Variants in ZNF329 observed in about 807,000 individuals in gnomAD.
ZNF329 encodes zinc finger protein 329.
A neutral mutation model predicts 26.6 loss-of-function variants in ZNF329; 15 were observed. The observed-to-expected ratio is 0.56, with a 90% CI of 0.38 to 0.87. ZNF329 has a LOEUF of 0.87. Among genes scored for constraint, ZNF329 ranks in the 40% least tolerant of loss-of-function variants. The pLI, the probability that ZNF329 is intolerant of heterozygous loss-of-function variation, is 0.00. For synonymous variants in ZNF329, 239 were observed against 233.5 expected, an observed-to-expected ratio of 1.02 and a Z score of -0.21; for missense variants, 651 against 651.9, an observed-to-expected ratio of 1.00 and a Z score of 0.02.
At chr19:58,137,024 G>GT (rs2075085076) in intron 3 of ZNF329, 1 of 186,784 alleles carries the variant, frequency 5.4e-6, no homozygotes, top group Non-Finnish European at 1.2e-5. Flanking sequence ...AGATTCAGGA[G>GT]TAAGTCCCAC....
intron 3 of ZNF329, among the ~76,000 whole-genome samples, chr19:58,133,477 C>T (rs921976698): frequency 2.6e-5 from 4 of 151,896 alleles, no homozygotes; most frequent in Non-Finnish European, 2.9e-5. Flanking sequence ...GTCCCAACTA[C>T]TTGGGAAGCT....
At position 58,128,161 on chromosome 19, in the gene ZNF329, G is replaced by C; in HGVS notation, c.1343C>G (p.Thr448Ser). ...CTCATAGGGCTTCTCACCAGTATGA[G>C]TCCTCTGGTGCCTAATGAGGCCAGC... is the stretch of plus-strand genomic sequence containing the variant. ...NIAGLIRHQR[T>S]HTGEKPYECN... is the part of the protein sequence containing the mutation. The change falls in exon 4 of 4, where the codon ACT (threonine) becomes AGT (serine). Residue 448 changes from threonine (T) to serine (S), a missense_variant. Coordinates refer to ENST00000598312, the MANE Select transcript of ZNF329 (RefSeq NM_024620.4). The C allele has an allele frequency of 6.3e-7, 1 of 1,585,590 alleles. No homozygotes were observed. The highest frequency in any genetic ancestry group is 8.6e-7 in the Non-Finnish European group (1 of 1,167,110).
chr19:58,152,536 GAGAAA>G (rs1315178856), upstream of ZNF329, among the ~76,000 whole-genome samples: 1 of 151,962 alleles, frequency 6.6e-6, no homozygotes, highest in African/African-American at 2.4e-5. Flanking sequence ...AGATCATATG[GAGAAA>G]AGTCCAACAG....
At chr19:58,147,520 C>T (rs1299678019) in intron 1 of ZNF329, among the ~76,000 whole-genome samples, 2 of 145,500 alleles carry the variant, frequency 1.4e-5, no homozygotes, top group Non-Finnish European at 3.0e-5. Flanking sequence ...CTCTGCCCGG[C>T]CAGCCGCCCC....
intron 1 of ZNF329, among the ~76,000 whole-genome samples, chr19:58,148,525 T>A (rs1156903438): frequency 6.7e-6 from 1 of 149,672 alleles, no homozygotes; most frequent in South Asian, 2.1e-4. Context: ...TATACTTGGG[T>A]GTGATAATAA....
chr19:58,146,962 C>T (rs2075325928), intron 1 of ZNF329, among the ~76,000 whole-genome samples: 1 of 152,154 alleles, frequency 6.6e-6, no homozygotes, highest in Non-Finnish European at 1.5e-5. Flanking sequence ...CAGCCTCTGC[C>T]CGGCCGCCAC....
upstream of ZNF329, among the ~76,000 whole-genome samples, chr19:58,151,493 C>T (rs555194274): frequency 6.7e-6 from 1 of 150,180 alleles, no homozygotes; most frequent in East Asian, 2.0e-4. Flanking sequence ...CCCAGCTCCT[C>T]GGGAGGCTGA....
rs1035302724 is a variant in ZNF329, at chr19:58,127,337, C to T, written c.*541G>A. On this transcript the variant is annotated 3_prime_UTR_variant, in exon 4 of 4. Transcript: ENST00000598312. ...CCAACACAGTGAAACCCTGTCTCTA[C>T]TAAAAATAGAAAAAATTAGCCAGGC... is the stretch of plus-strand genomic sequence containing the variant. 1 of 152,160 alleles carries T rather than the reference C, an allele frequency of 6.6e-6. No homozygotes were observed. The highest frequency in any genetic ancestry group is 2.4e-5 in the African/African-American group (1 of 41,390). 9.4% of individuals were successfully genotyped at this position (152,160 alleles called of 1,614,324 possible).
chr19:58,154,702 C>CA (rs1260409530), upstream of ZNF329: 1 of 151,978 alleles, frequency 6.6e-6, no homozygotes, highest in African/African-American at 2.4e-5. Flanking sequence ...ACCACCCCCC[C>CA]CCCCGCCCCA....
chr19:58,140,703 C>T (rs985907222), intron 3 of ZNF329, among the ~76,000 whole-genome samples: 2 of 151,888 alleles, frequency 1.3e-5, no homozygotes, highest in African/African-American at 2.4e-5. Flanking sequence ...GCGTGACCAC[C>T]GCGCCCAGCC....
chr19:58,148,391 TAAAAAAAAAAA>T (rs1241009357), intron 1 of ZNF329, among the ~76,000 whole-genome samples: 1 of 103,844 alleles, frequency 9.6e-6, no homozygotes. Context: ...AATGATCAAT[TAAAAAAAAAAA>T]AAAAAAAAGA....
upstream of ZNF329, among the ~76,000 whole-genome samples, chr19:58,152,906 A>G (rs1347155835): frequency 2.0e-5 from 3 of 152,210 alleles, no homozygotes; most frequent in Non-Finnish European, 2.9e-5. Context: ...TACCATATTA[A>G]GCAGATGGGC....
intron 1 of ZNF329, among the ~76,000 whole-genome samples, chr19:58,144,396 A>ATATTTTTTT (rs756544055): frequency 2.0e-3 from 261 of 127,678 alleles, no homozygotes; most frequent in African/African-American, 7.5e-3. Context: ...ATATATATAT[A>ATATTTTTTT]TTTTTTTTTT....
chr19:58,137,523 T>A (rs963236590), intron 3 of ZNF329, among the ~76,000 whole-genome samples: 3 of 151,546 alleles, frequency 2.0e-5, no homozygotes, highest in African/African-American at 7.3e-5. Flanking sequence ...CACTGCACTC[T>A]AGCCTGGGTG....
intron 1 of ZNF329, among the ~76,000 whole-genome samples, chr19:58,150,380 C>T (rs774643597): frequency 1.6e-4 from 24 of 152,204 alleles, no homozygotes; most frequent in Non-Finnish European, 2.9e-4. Flanking sequence ...TCGGGGGTTA[C>T]CCCCGGAGAC....
chr19:58,129,266 G>T lies in ZNF329; in HGVS notation c.238C>A (p.Pro80Thr), dbSNP rs775435408. The T allele has an allele frequency of 1.2e-6, 2 of 1,614,216 alleles. No homozygotes were observed. The highest frequency in any genetic ancestry group is 1.7e-6 in the Non-Finnish European group (2 of 1,180,044). ...GTTGCCAGAACTCTCTGAGACGGTG[G>T]AAGGTCTGAGCTTGCAATCAAATGC... ...GEHLIASSDLPPSQRVLATNG... is the reference protein window; with the variant it reads ...GEHLIASSDLTPSQRVLATNG... The change falls in exon 4 of 4, where the codon CCA (proline) becomes ACA (threonine). Residue 80 changes from proline to threonine, a missense_variant. Physicochemically the swap from Pro to Thr is conservative, Grantham distance 38. Transcript: ENST00000598312.
chr19:58,132,289 C>T (rs968310307), intron 3 of ZNF329: 1 of 152,142 alleles, frequency 6.6e-6, no homozygotes, highest in Non-Finnish European at 1.5e-5. Context: ...CGCGGTGGCT[C>T]ACGCCTATAA....
intron 3 of ZNF329, among the ~76,000 whole-genome samples, chr19:58,134,654 G>A (rs1490490443): frequency 6.6e-6 from 1 of 152,124 alleles, no homozygotes; most frequent in Non-Finnish European, 1.5e-5. Flanking sequence ...ACACAGAGCA[G>A]GCCGGGCGCG....
chr19:58,149,762 T>C (rs567326966), intron 1 of ZNF329, among the ~76,000 whole-genome samples: 1 of 152,290 alleles, frequency 6.6e-6, no homozygotes, highest in East Asian at 1.9e-4. Context: ...GATGGTAATT[T>C]TAATAAAGGT....
Sources: allele counts gnomAD v4.1 joint callset (sites outside exome capture counted in the v4.1 genomes callset), GRCh38; gene constraint gnomAD v4.1.1; transcripts MANE v1.5; gene names NCBI Gene and HGNC (gene_info 2026-07-23, HGNC 2026-07-21).